The following ENTREP2 variants were observed in gnomAD, a reference collection of about 807,000 sequenced individuals.
The protein encoded by ENTREP2 is protein ENTREP2.
chr15:29,289,906 C>A, the ENTREP2 span, among the ~76,000 whole-genome samples: 2 of 151,920 alleles, frequency 1.3e-5, no homozygotes, highest in Admixed American at 1.3e-4. Context: ...GTAATAGTCA[C>A]CAAATTGAAA....
the ENTREP2 span, among the ~76,000 whole-genome samples, chr15:29,665,392 C>T: frequency 5.9e-5 from 9 of 152,342 alleles, no homozygotes; most frequent in Admixed American, 3.9e-4. Flanking sequence ...CTAGCCATTG[C>T]GCTCCCCTAG....
At chr15:29,338,623 C>A in the ENTREP2 span, among the ~76,000 whole-genome samples, 1 of 151,810 alleles carries the variant, frequency 6.6e-6, no homozygotes, top group Non-Finnish European at 1.5e-5. Flanking sequence ...GCTCCTCGGC[C>A]AGCCATCACT....
chr15:29,359,640 T>C, the ENTREP2 span, among the ~76,000 whole-genome samples: 1 of 152,146 alleles, frequency 6.6e-6, no homozygotes, highest in South Asian at 2.1e-4. Context: ...CTTGATCTCC[T>C]GACCTCGTGA....
chr15:29,272,969 C>T, the ENTREP2 span, among the ~76,000 whole-genome samples: 1 of 152,058 alleles, frequency 6.6e-6, no homozygotes, highest in Non-Finnish European at 1.5e-5. Flanking sequence ...AAGGGAGGGG[C>T]AGCATCAGGT....
chr15:29,462,913 TAA>T, the ENTREP2 span, among the ~76,000 whole-genome samples: 1 of 152,128 alleles, frequency 6.6e-6, no homozygotes, highest in Non-Finnish European at 1.5e-5. Flanking sequence ...TGATAGTTTT[TAA>T]AAATAATGAA....
the ENTREP2 span, among the ~76,000 whole-genome samples, chr15:29,410,419 G>A: frequency 2.0e-5 from 3 of 151,996 alleles, no homozygotes; most frequent in African/African-American, 7.2e-5. Context: ...AGCCAGAGCA[G>A]GGCTGCCCCA....
chr15:29,251,744 C>CTTTT, the ENTREP2 span, among the ~76,000 whole-genome samples: 7 of 97,852 alleles, frequency 7.2e-5, 1 homozygote, highest in South Asian at 3.5e-4. Flanking sequence ...TTTTTTGTGA[C>CTTTT]TTTTTTTTTT....
At chr15:29,118,340 C>A in the ENTREP2 span, 2 of 152,270 alleles carry the variant, frequency 1.3e-5, no homozygotes, top group Non-Finnish European at 2.9e-5. Context: ...TGGTCTGTTA[C>A]CTCAGCGGCG....
At chr15:29,252,354 A>G in the ENTREP2 span, 15 of 1,488,748 alleles carry the variant, frequency 1.0e-5, no homozygotes, top group Non-Finnish European at 1.3e-5. Context: ...AAGGGTTTGC[A>G]TTTCATTACT....
At chr15:29,353,019 CACTT>C in the ENTREP2 span, among the ~76,000 whole-genome samples, 4 of 152,164 alleles carry the variant, frequency 2.6e-5, no homozygotes, top group African/African-American at 9.7e-5. Context: ...ATGGGGATGA[CACTT>C]ACATTAGAGC....
At chr15:29,514,250 G>A in the ENTREP2 span, among the ~76,000 whole-genome samples, 6 of 152,136 alleles carry the variant, frequency 3.9e-5, no homozygotes, top group South Asian at 2.1e-4. Flanking sequence ...TCCAGCCCCC[G>A]GCAACCACCA....
chr15:29,523,561 A>ATTTTTTT, the ENTREP2 span, among the ~76,000 whole-genome samples: 17 of 78,508 alleles, frequency 2.2e-4, no homozygotes, highest in African/African-American at 8.8e-4. Flanking sequence ...TCCCAGCTAG[A>ATTTTTTT]TTTTTTTTTT....
chr15:29,234,549 C>A, the ENTREP2 span: 3 of 1,393,254 alleles, frequency 2.2e-6, no homozygotes, highest in South Asian at 1.2e-5. Context: ...CAAATAGCAA[C>A]AGATGTGGCA....
chr15:29,584,192 CAT>C, the ENTREP2 span, among the ~76,000 whole-genome samples: 77,117 of 151,782 alleles, frequency 0.51, 21,827 homozygotes, highest in Non-Finnish European at 0.65. Flanking sequence ...ATACAGTAAA[CAT>C]GTATTTGTAA....
At chr15:29,588,387 G>A in the ENTREP2 span, among the ~76,000 whole-genome samples, 1 of 152,066 alleles carries the variant, frequency 6.6e-6, no homozygotes, top group South Asian at 2.1e-4. Context: ...AGAATCGCTT[G>A]AACCTGGGAG....
chr15:29,657,651 G>A, the ENTREP2 span, among the ~76,000 whole-genome samples: 1 of 151,964 alleles, frequency 6.6e-6, no homozygotes, highest in Non-Finnish European at 1.5e-5. Context: ...ACAGAGTGCT[G>A]ATTGGTGCGT....
At chr15:29,656,173 T>C in the ENTREP2 span, among the ~76,000 whole-genome samples, 10 of 151,758 alleles carry the variant, frequency 6.6e-5, no homozygotes, top group South Asian at 1.5e-3. Context: ...TAAACAAAAA[T>C]TGAGAGAATG....
chr15:29,607,927 G>A, the ENTREP2 span, among the ~76,000 whole-genome samples: 2,134 of 152,156 alleles, frequency 0.014, 57 homozygotes, highest in African/African-American at 0.05. Context: ...ACAATAGGCC[G>A]TCTGCAAGCC....
chr15:29,233,038 C>T, the ENTREP2 span, among the ~76,000 whole-genome samples: 1 of 152,304 alleles, frequency 6.6e-6, no homozygotes, highest in Admixed American at 6.5e-5. Context: ...TCTTCCTCTG[C>T]TAATCCTTCT....
Sources: allele counts gnomAD v4.1 joint callset (sites outside exome capture counted in the v4.1 genomes callset), GRCh38; gene constraint gnomAD v4.1.1; transcripts MANE v1.5; gene names NCBI Gene and HGNC (gene_info 2026-07-23, HGNC 2026-07-21).